The following CGNL1 variants were observed in gnomAD, a reference collection of about 807,000 sequenced individuals.
The protein encoded by CGNL1 is cingulin-like protein 1.
A neutral mutation model predicts 141.2 loss-of-function variants in CGNL1; 132 were observed. The ratio of observed to expected loss-of-function variants is 0.93; its 90% confidence interval spans 0.81 to 1.08. The LOEUF (loss-of-function observed/expected upper bound fraction) is 1.08. Ranked by LOEUF, CGNL1 falls within the 50% of genes least tolerant of loss-of-function variation. The pLI is 0.00. For synonymous variants in CGNL1, 690 were observed against 622.1 expected (o/e 1.11, Z -1.63); for missense variants, 1,870 against 1,588.6 (o/e 1.18, Z -3.01).
chr15:57,545,560 G>C lies in CGNL1; in HGVS notation c.3501-32G>C, dbSNP rs770646969. 8.8e-6 allele frequency: 14 copies of C among 1,591,982 alleles called. No individual in the cohort carries two copies. The Admixed American group carries it at 2.2e-4, about 25-fold the overall frequency. Reference sequence around the variant, plus strand: ...GGGCCCCCTGCAGGGATGGGAGTGAGAGGGTTCTTGGTTCTGTCTCCCCTC... The same window carrying C: ...GGGCCCCCTGCAGGGATGGGAGTGACAGGGTTCTTGGTTCTGTCTCCCCTC... On this transcript the variant is annotated intron_variant, in intron 16 of 18. Transcript: ENST00000281282.
chr15:57,464,073 C>CT (rs34545500), intron 8 of CGNL1, among the ~76,000 whole-genome samples: 58,901 of 148,944 alleles, frequency 0.4, 11,863 homozygotes, highest in African/African-American at 0.48. Context: ...CACTTTTGTC[C>CT]TTTTTTTTTT....
At chr15:57,448,776 T>G (rs2063287506) in intron 4 of CGNL1, among the ~76,000 whole-genome samples, 1 of 152,220 alleles carries the variant, frequency 6.6e-6, no homozygotes, top group Non-Finnish European at 1.5e-5. Flanking sequence ...GTTGTTTATT[T>G]TATTTAGTTA....
At chr15:57,414,168 A>G (rs1228737556) in intron 1 of CGNL1, among the ~76,000 whole-genome samples, 2 of 152,192 alleles carry the variant, frequency 1.3e-5, no homozygotes, top group Admixed American at 6.5e-5. Context: ...TGGAGCTGAT[A>G]GCAGCATCAG....
chr15:57,398,757 T>C (rs2062629113), intron 1 of CGNL1, among the ~76,000 whole-genome samples: 1 of 152,242 alleles, frequency 6.6e-6, no homozygotes, highest in Non-Finnish European at 1.5e-5. Flanking sequence ...CACTTGAAGA[T>C]TAAAATGTGG....
At chr15:57,502,820 A>T (rs2152390712) in intron 8 of CGNL1, among the ~76,000 whole-genome samples, 1 of 152,264 alleles carries the variant, frequency 6.6e-6, no homozygotes, top group Non-Finnish European at 1.5e-5. Context: ...CCTTAATTGG[A>T]TTCTCTTCTC....
intron 1 of CGNL1, among the ~76,000 whole-genome samples, chr15:57,393,551 A>T (rs2062566208): frequency 6.6e-6 from 1 of 152,182 alleles, no homozygotes; most frequent in Non-Finnish European, 1.5e-5. Context: ...GGTTCTTGGA[A>T]ATACTTGGAA....
chr15:57,446,665 C>CTT (rs11327140), intron 4 of CGNL1, among the ~76,000 whole-genome samples: 4,967 of 116,636 alleles, frequency 0.043, 208 homozygotes, highest in East Asian at 0.12. Context: ...CTGAACATTA[C>CTT]TTTTTTTTTT....
At chr15:57,413,420 G>A (rs924199455) in intron 1 of CGNL1, among the ~76,000 whole-genome samples, 1 of 152,170 alleles carries the variant, frequency 6.6e-6, no homozygotes, top group Non-Finnish European at 1.5e-5. Flanking sequence ...GAGACTACAA[G>A]GTGCGCACCG....
chr15:57,456,718 G>A (rs1048512728), intron 7 of CGNL1, among the ~76,000 whole-genome samples: 11 of 151,970 alleles, frequency 7.2e-5, no homozygotes, highest in Non-Finnish European at 1.5e-4. Context: ...TCCATTCCAA[G>A]GGTGACAGGT....
rs140851250 is a variant in CGNL1, at chr15:57,523,244, G to A, written c.2716-245G>A. Among the ~76,000 whole-genome samples the A allele has an allele frequency of 4.4e-3, 673 of 152,298 alleles. 1 individual carries two copies. Among genetic ancestry groups the A allele is most frequent in the Middle Eastern group, 6.8e-3 (2 of 294 alleles). On this transcript the variant is annotated intron_variant, in intron 10 of 18. Transcript: ENST00000281282. ...CCTTGGCCATGTATTTCTGTAGCACGTTGTTTGTCTGCCCCTTCATTCCTG... is the reference window on the plus strand; with the variant it reads ...CCTTGGCCATGTATTTCTGTAGCACATTGTTTGTCTGCCCCTTCATTCCTG...
chr15:57,455,814 T>A (rs892626305), intron 7 of CGNL1, among the ~76,000 whole-genome samples: 6 of 152,170 alleles, frequency 3.9e-5, no homozygotes, highest in African/African-American at 1.4e-4. Flanking sequence ...GGGATAACGA[T>A]ATGAGACTGT....
intron 8 of CGNL1, 151 bp downstream of exon 8, chr15:57,462,043 T>G: frequency 1.5e-6 from 1 of 670,006 alleles, no homozygotes. Flanking sequence ...TAACAAAGAA[T>G]AAGCTCAATG....
At chr15:57,381,350 A>C (rs1337736054) in intron 1 of CGNL1, among the ~76,000 whole-genome samples, 2 of 152,168 alleles carry the variant, frequency 1.3e-5, no homozygotes, top group East Asian at 3.9e-4. Flanking sequence ...CCTTGAGCCC[A>C]GGAGGTCAAT....
chr15:57,379,836 A>C (rs2062405498), intron 1 of CGNL1, among the ~76,000 whole-genome samples: 1 of 152,146 alleles, frequency 6.6e-6, no homozygotes. Flanking sequence ...AAGAAAAAAA[A>C]AGGGAATGGG....
In CGNL1 at chr15:57,439,546, A is replaced by G; in HGVS notation, c.1547A>G (p.Asp516Gly). 1 of 1,614,114 alleles carries G rather than the reference A, an allele frequency of 6.2e-7. No homozygotes were observed. The highest frequency in any genetic ancestry group is 8.5e-7 in the Non-Finnish European group (1 of 1,180,024). The change falls in exon 2 of 19, where the codon GAT (aspartate) becomes GGT (glycine). Residue 516 changes from aspartate to glycine, a missense_variant. Physicochemically the swap from Asp to Gly is moderately conservative, Grantham distance 94. Transcript: ENST00000281282. ...LQNRATATSP[D>G]SGAKKISVKT... ...AACCGGGCAACAGCAACTTCGCCTG[A>G]TTCTGGTGCCAAGAAAATTTCCGTG...
intron 14 of CGNL1, among the ~76,000 whole-genome samples, chr15:57,540,767 G>A (rs188216733): frequency 1.1e-4 from 17 of 152,320 alleles, no homozygotes; most frequent in Admixed American, 9.1e-4. Flanking sequence ...GCTATATGGA[G>A]AGCGGGCACT....
chr15:57,528,388 A>G (rs1257937285), intron 12 of CGNL1, among the ~76,000 whole-genome samples: 2 of 152,284 alleles, frequency 1.3e-5, no homozygotes, highest in East Asian at 3.9e-4. Flanking sequence ...TTTCTGTTCT[A>G]TTTAATTAAA....
Position 57,511,690 on chromosome 15 carries a change from A to T in CGNL1, c.2404-5090A>T, listed in dbSNP as rs561221479. 4.1e-4 allele frequency among the ~76,000 whole-genome samples: 62 copies of T among 152,346 alleles called. 1 individual carries two copies. The highest frequency in any genetic ancestry group is 3.3e-3 in the South Asian group (16 of 4,834). On this transcript the variant is annotated intron_variant, in intron 8 of 18. Coordinates refer to ENST00000281282, the MANE Select transcript of CGNL1 (RefSeq NM_032866.5). ...AATAACCTTGGTGTAATTTTTAGTGATGATCCAATCTTGAAAAATGATAGA... is the reference window on the plus strand; with the variant it reads ...AATAACCTTGGTGTAATTTTTAGTGTTGATCCAATCTTGAAAAATGATAGA...
At chr15:57,528,946 G>A in intron 13 of CGNL1, 131 bp downstream of exon 13, 2 of 919,076 alleles carry the variant, frequency 2.2e-6, no homozygotes, top group Middle Eastern at 3.5e-4. Context: ...ACAGCTGGGT[G>A]TAGTGAGGTT....
Sources: allele counts gnomAD v4.1 joint callset (sites outside exome capture counted in the v4.1 genomes callset), GRCh38; gene constraint gnomAD v4.1.1; transcripts MANE v1.5; gene names NCBI Gene and HGNC (gene_info 2026-07-23, HGNC 2026-07-21).